SCGB2A1: variants seen among roughly 807,000 people sequenced by gnomAD.
SCGB2A1 encodes the protein mammaglobin-B.
In SCGB2A1, 6 loss-of-function variants were observed where a neutral mutation model predicts 9.2. The observed-to-expected ratio is 0.66, with a 90% CI of 0.36 to 1.29. The LOEUF is 1.29. SCGB2A1 is among the 50% of genes most tolerant of loss of function. SCGB2A1 has a pLI of 0.03. For synonymous variants in SCGB2A1, 37 were observed against 41.0 expected (o/e 0.90, Z 0.37); for missense variants, 138 against 116.9 (o/e 1.18, Z -0.83).
chr11:62,209,226 G>A, intron 1 of SCGB2A1, among the ~76,000 whole-genome samples: 1 of 152,222 alleles, frequency 6.6e-6, no homozygotes, highest in Non-Finnish European at 1.5e-5. Flanking sequence ...ACCCTGTGTG[G>A]CTCACTCTGT....
chr11:62,210,368 T>C (rs372515300), intron 1 of SCGB2A1, 45 bp from the exon 2 acceptor site: 17 of 1,535,886 alleles, frequency 1.1e-5, no homozygotes, highest in African/African-American at 1.4e-5. Flanking sequence ...CCTCTAGTAA[T>C]GGCCCATGTT....
Position 62,210,601 on chromosome 11 carries a change from G to GT in SCGB2A1, c.243+2dup, listed in dbSNP as rs767905357. The GT allele has an allele frequency of 2.0e-6, 3 of 1,533,034 alleles. No homozygotes were observed. The highest frequency in any genetic ancestry group is 1.7e-6 in the Non-Finnish European group (2 of 1,149,054). 95.0% of individuals were successfully genotyped at this position (1,533,034 alleles called of 1,614,324 possible). On this transcript the variant is annotated splice_donor_variant, in intron 2 of 2. Coordinates refer to ENST00000244930, the MANE Select transcript of SCGB2A1 (RefSeq NM_002407.3). LOFTEE classifies it high-confidence loss of function. ...TCTGAAAAACTTTGGACTGATGATGGTAATTTGGGTTTCTTCTTATGTACC... is the reference window on the plus strand; with the variant it reads ...TCTGAAAAACTTTGGACTGATGATGGTTAATTTGGGTTTCTTCTTATGTACC...
rs184831488 is a variant in SCGB2A1, at chr11:62,211,270, A to T, written c.243+670A>T. Among the ~76,000 whole-genome samples, 234 of 152,262 alleles carry T rather than the reference A, an allele frequency of 1.5e-3. 2 individuals are homozygous for T. The highest frequency in any genetic ancestry group is 5.4e-3 in the African/African-American group (225 of 41,550). Reference sequence around the variant, plus strand: ...AGAGAAAATATCTGGTTCTCAAGAGATCACACACTTGTAGGAGCAATCTAC... The same window carrying T: ...AGAGAAAATATCTGGTTCTCAAGAGTTCACACACTTGTAGGAGCAATCTAC... On this transcript the variant is annotated intron_variant, in intron 2 of 2. Transcript: ENST00000244930.
At chr11:62,208,875 C>G in intron 1 of SCGB2A1, 89 bp downstream of exon 1, 2 of 1,338,606 alleles carry the variant, frequency 1.5e-6, no homozygotes, top group Admixed American at 3.5e-5. Flanking sequence ...ATCCCCAGCA[C>G]AGACGAGCCC....
intron 2 of SCGB2A1, 23 bp downstream of exon 2, chr11:62,210,623 TACCC>T: frequency 6.7e-7 from 1 of 1,494,536 alleles, no homozygotes; most frequent in Non-Finnish European, 8.9e-7. Flanking sequence ...TCTTCTTATG[TACCC>T]TTTGAAAATC....
chr11:62,210,384 G>A, intron 1 of SCGB2A1, 29 bp from the exon 2 acceptor site: 2 of 1,318,044 alleles, frequency 1.5e-6, no homozygotes, highest in Non-Finnish European at 2.0e-6. Flanking sequence ...ATGTTCTTGT[G>A]TCTTTTTTTT....
At chr11:62,213,488 G>A in intron 2 of SCGB2A1, 1 of 451,106 alleles carries the variant, frequency 2.2e-6, no homozygotes, top group East Asian at 3.6e-5. Flanking sequence ...GAGAAAAAAA[G>A]TATTACATGG....
rs1944850052 is a variant in SCGB2A1 at position 62,213,085 on chromosome 11, T to TAC, written c.244-640_244-639insCA. 4.2e-4 allele frequency among the ~76,000 whole-genome samples: 8 copies of TAC among 19,162 alleles called. No homozygotes were observed. In the East Asian group the frequency reaches 0.051, roughly 123 times the overall value. The allele number at this position is 19,162 out of a possible 152,430, so 12.6% of individuals were successfully genotyped here. ...ACACATATATACATATATACACATA[T>TAC]ATACACATATATATATATATATTTT... On this transcript the variant is annotated intron_variant, in intron 2 of 2. Transcript: ENST00000244930.
At chr11:62,212,903 T>TATATAC (rs1271244949) in intron 2 of SCGB2A1, among the ~76,000 whole-genome samples, 86 of 144,410 alleles carry the variant, frequency 6.0e-4, no homozygotes, top group African/African-American at 2.4e-3. Context: ...ACCTGGCATA[T>TATATAC]ATATACATAT....
rs1219278447 is a variant in SCGB2A1, at chr11:62,210,517, G to A, written c.160G>A (p.Ala54Thr). Reference protein sequence around the residue: ...ELLQEFIDSDAAAEAMGKFKQ... With the variant: ...ELLQEFIDSDTAAEAMGKFKQ... ...TCTTCAAGAGTTCATAGACAGTGAT[G>A]CCGCTGCAGAGGCTATGGGGAAATT... is the stretch of plus-strand genomic sequence containing the variant. The change falls in exon 2 of 3, where the codon GCC (alanine) becomes ACC (threonine). Residue 54 changes from alanine to threonine, a missense_variant. Physicochemically the swap from Ala to Thr is moderately conservative, Grantham distance 58. Coordinates refer to ENST00000244930, the MANE Select transcript of SCGB2A1 (RefSeq NM_002407.3). 3 of 1,596,156 alleles carry A rather than the reference G, an allele frequency of 1.9e-6. No individual in the cohort carries two copies. Among genetic ancestry groups the A allele is most frequent in the Non-Finnish European group, 2.6e-6 (3 of 1,173,872 alleles).
chr11:62,213,469 G>T (rs1460834569), intron 2 of SCGB2A1: 1 of 400,240 alleles, frequency 2.5e-6, no homozygotes, highest in African/African-American at 2.0e-5. Context: ...TCAAAGGATA[G>T]AATTTTTGGA....
At chr11:62,212,992 GCA>G in intron 2 of SCGB2A1, among the ~76,000 whole-genome samples, 1 of 112,100 alleles carries the variant, frequency 8.9e-6, no homozygotes, top group African/African-American at 3.6e-5. Flanking sequence ...ACATATACAT[GCA>G]TATATGTACA....
rs1275288053 is a variant in SCGB2A1 at position 62,213,104 on chromosome 11, A to ATTTT, written c.244-621_244-620insTTTT. On this transcript the variant is annotated intron_variant, in intron 2 of 2. Coordinates refer to ENST00000244930, the MANE Select transcript of SCGB2A1 (RefSeq NM_002407.3). ...CACATATATACACATATATATATATATATTTTTTTTTTTGTAGAGATGGCA... is the reference window on the plus strand; with the variant it reads ...CACATATATACACATATATATATATATTTTTATTTTTTTTTTTGTAGAGATGGCA... Among the ~76,000 whole-genome samples the ATTTT allele has an allele frequency of 4.8e-3, 169 of 35,348 alleles. 7 individuals carry two copies. Among genetic ancestry groups the ATTTT allele is most frequent in the African/African-American group, 8.7e-3 (159 of 18,190 alleles). The allele number at this position is 35,348 out of a possible 152,430, so 23.2% of individuals were successfully genotyped here.
At chr11:62,211,096 G>A (rs192552378) in intron 2 of SCGB2A1, among the ~76,000 whole-genome samples, 62 of 152,006 alleles carry the variant, frequency 4.1e-4, no homozygotes, top group African/African-American at 1.4e-3. Context: ...GCTAATTTTT[G>A]TATTTTAACT....
chr11:62,211,240 T>TA (rs1944828878), intron 2 of SCGB2A1, among the ~76,000 whole-genome samples: 1 of 151,968 alleles, frequency 6.6e-6, no homozygotes, highest in Admixed American at 6.6e-5. Context: ...TGCACATTTT[T>TA]ATCAAGAGAA....
intron 2 of SCGB2A1, among the ~76,000 whole-genome samples, chr11:62,213,031 C>CGT (rs1565121459): frequency 2.8e-5 from 2 of 70,970 alleles, no homozygotes; most frequent in African/African-American, 1.2e-4. Context: ...TACATATATA[C>CGT]ACACATATAT....
At chr11:62,210,683 A>C in intron 2 of SCGB2A1, 83 bp downstream of exon 2, 1 of 1,085,332 alleles carries the variant, frequency 9.2e-7, no homozygotes, top group Non-Finnish European at 1.3e-6. Flanking sequence ...AAGAATGCCA[A>C]GCAACTGGTG....
Position 62,213,840 on chromosome 11 carries a change from C to A in SCGB2A1, c.*70C>A. ...GAACTCATCTGTTGATTGCTAGAAACCACTTTTCTTTCTTGTGTTGTCTTT... is the reference window on the plus strand; with the variant it reads ...GAACTCATCTGTTGATTGCTAGAAAACACTTTTCTTTCTTGTGTTGTCTTT... On this transcript the variant is annotated 3_prime_UTR_variant, in exon 3 of 3. Coordinates refer to ENST00000244930, the MANE Select transcript of SCGB2A1 (RefSeq NM_002407.3). 1 of 1,330,660 alleles carries A rather than the reference C, an allele frequency of 7.5e-7. No individual in the cohort carries two copies. The highest frequency in any genetic ancestry group is 1.5e-5 in the African/African-American group (1 of 68,006). The allele number at this position is 1,330,660 out of a possible 1,614,324, so 82.4% of individuals were successfully genotyped here.
rs548454068 is a variant in SCGB2A1 at position 62,211,195 on chromosome 11, A to G, written c.243+595A>G. Among the ~76,000 whole-genome samples the G allele has an allele frequency of 2.6e-5, 4 of 152,062 alleles. No homozygotes were observed. In the East Asian group the frequency reaches 5.8e-4, roughly 22 times the overall value. ...TCCCTTGGCCTCCCAGAGTTCTGAG[A>G]TTACAGGTCTGAGCCCCCGCACCCA... On this transcript the variant is annotated intron_variant, in intron 2 of 2. Transcript: ENST00000244930.
Sources: gnomAD v4.1 joint callset for allele counts (sites outside exome capture counted in the v4.1 genomes callset) on GRCh38, gnomAD v4.1.1 for gene constraint, MANE v1.5 for transcripts, NCBI Gene and HGNC (gene_info 2026-07-23, HGNC 2026-07-21) for gene names.